Variants in LRRC28 observed in about 807,000 individuals in gnomAD.
The protein encoded by LRRC28 is leucine-rich repeat-containing protein 28.
A neutral mutation model predicts 45.7 loss-of-function variants in LRRC28; 39 were observed. The ratio of observed to expected loss-of-function variants is 0.85; its 90% CI spans 0.66 to 1.12. The LOEUF (loss-of-function observed/expected upper bound fraction) is 1.12, where lower values mean the gene tolerates loss of function less well. Ranked by LOEUF, LRRC28 falls within the 50% of genes most tolerant of loss-of-function variation. The pLI, the probability that LRRC28 is intolerant of heterozygous loss-of-function variation, is 0.00. For synonymous variants in LRRC28, 206 were observed against 178.8 expected, an observed-to-expected ratio of 1.15 and a Z score of -1.22; for missense variants, 435 against 438.5, an observed-to-expected ratio of 0.99 and a Z score of 0.07.
Position 99,348,748 on chromosome 15 carries a change from TTTTTTTTTTG to T in LRRC28, c.593-3612_593-3603del, listed in dbSNP as rs1280330729. On this transcript the variant is annotated intron_variant, in intron 6 of 9. Transcript: ENST00000301981. Reference sequence around the variant, plus strand: ...TTGGCTATTTGGGTTTTTTTTGTTGTTTTTTTTTTGTTTTTTTTGTAGCTCCATATGAATT... The same window carrying T: ...TTGGCTATTTGGGTTTTTTTTGTTGTTTTTTTTTGTAGCTCCATATGAATT... Among the ~76,000 whole-genome samples the T allele has an allele frequency of 3.7e-5, 4 of 108,240 alleles. No homozygotes were observed. The East Asian group carries it at 1.4e-3, about 38-fold the overall frequency. The allele number at this position is 108,240 out of a possible 152,430, so 71.0% of individuals were successfully genotyped here. A position where few individuals can be genotyped will look rare whatever the true frequency, so the allele number is the denominator to read the frequency against.
intron 2 of LRRC28, among the ~76,000 whole-genome samples, chr15:99,269,595 GT>G (rs1467688763): frequency 1.3e-5 from 2 of 152,238 alleles, no homozygotes; most frequent in East Asian, 3.9e-4. Context: ...GTAGAGACGG[GT>G]TTCACCATGT....
intron 2 of LRRC28, 83 bp downstream of exon 2, chr15:99,256,208 A>G: frequency 1.8e-6 from 2 of 1,092,792 alleles, no homozygotes; most frequent in Non-Finnish European, 2.6e-6. Context: ...TAAGGTATTC[A>G]GACCAAGACT....
intron 5 of LRRC28, among the ~76,000 whole-genome samples, chr15:99,303,912 C>A (rs1046699617): frequency 6.6e-6 from 1 of 151,942 alleles, no homozygotes; most frequent in Non-Finnish European, 1.5e-5. Context: ...CATTGTCCCC[C>A]CCACTGGATG....
At position 99,298,205 on chromosome 15, in the gene LRRC28, T is replaced by C. The variant is rs1052417500; in HGVS notation, c.385+10254T>C. Among the ~76,000 whole-genome samples the C allele has an allele frequency of 7.2e-5, 11 of 152,320 alleles. No homozygotes were observed. In the South Asian group the frequency reaches 2.1e-3, roughly 29 times the overall value. On this transcript the variant is annotated intron_variant, in intron 5 of 9. Transcript: ENST00000301981. The stretch of plus-strand genomic sequence containing the variant: ...AACACTATAACCCAAGTGATCCAAA[T>C]TCACTTCACATGCAGTACTTCTTAT...
At position 99,338,187 on chromosome 15, in the gene LRRC28, T is replaced by C. The variant is rs547140620; in HGVS notation, c.592+4058T>C. Reference sequence around the variant, plus strand: ...GCCACAGTCTCCTCAGTCTTGTCTTTCTGTTTCTGGGGGTATTTTTTGCCA... The same window carrying C: ...GCCACAGTCTCCTCAGTCTTGTCTTCCTGTTTCTGGGGGTATTTTTTGCCA... On this transcript the variant is annotated intron_variant, in intron 6 of 9. Coordinates refer to ENST00000301981, the MANE Select transcript of LRRC28 (RefSeq NM_144598.5). 4 of 152,358 alleles carry C rather than the reference T, an allele frequency of 2.6e-5. No homozygotes were observed. In the East Asian group the frequency reaches 5.8e-4, roughly 22 times the overall value. The allele number at this position is 152,358 out of a possible 1,614,324, so 9.4% of individuals were successfully genotyped here. A position where few individuals can be genotyped will look rare whatever the true frequency, so the allele number is the denominator to read the frequency against.
At chr15:99,277,386 A>C (rs1190579596) in intron 3 of LRRC28, among the ~76,000 whole-genome samples, 2 of 152,040 alleles carry the variant, frequency 1.3e-5, no homozygotes, top group Admixed American at 1.3e-4. Context: ...CCTTCACCTA[A>C]ATTTAACCAA....
chr15:99,379,545 T>A (rs1957752873), intron 9 of LRRC28, among the ~76,000 whole-genome samples: 1 of 152,234 alleles, frequency 6.6e-6, no homozygotes, highest in African/African-American at 2.4e-5. Context: ...TCTCCTTCAG[T>A]TCTGCTCTGA....
chr15:99,388,129 A>G lies in LRRC28; in HGVS notation c.*2027A>G, dbSNP rs1435683192. On this transcript the variant is annotated 3_prime_UTR_variant, in exon 10 of 10. Coordinates refer to ENST00000301981, the MANE Select transcript of LRRC28 (RefSeq NM_144598.5). ...TCCTTTGGAATAATTGAAGTTTAAC[A>G]TAACCTCTACATGTATATAAGTTAG... 6.6e-6 allele frequency: 1 copy of G among 152,266 alleles called. No homozygotes were observed. The highest frequency in any genetic ancestry group is 1.5e-5 in the Non-Finnish European group (1 of 68,048). The allele number at this position is 152,266 out of a possible 1,614,324, so 9.4% of individuals were successfully genotyped here.
In LRRC28 at chr15:99,352,514, A is replaced by G. The variant is rs1410859212; in HGVS notation, c.695+43A>G. ...TTTTGAACTAAAAAATAGATTAACT[A>G]CTTTTGGTACTTCTGTTCAATTTTG... is the stretch of plus-strand genomic sequence containing the variant. On this transcript the variant is annotated intron_variant, in intron 7 of 9. Coordinates refer to ENST00000301981, the MANE Select transcript of LRRC28 (RefSeq NM_144598.5). 6 of 1,461,832 alleles carry G rather than the reference A, an allele frequency of 4.1e-6. No homozygotes were observed. In the Admixed American group the frequency reaches 5.2e-5, roughly 13 times the overall value. The allele number at this position is 1,461,832 out of a possible 1,614,324, so 90.6% of individuals were successfully genotyped here.
chr15:99,268,851 T>C (rs1229652377), intron 2 of LRRC28, among the ~76,000 whole-genome samples: 1 of 152,248 alleles, frequency 6.6e-6, no homozygotes, highest in Non-Finnish European at 1.5e-5. Flanking sequence ...AATAGGTTTT[T>C]TTAAAAATAA....
At chr15:99,299,228 A>G (rs1204896676) in intron 5 of LRRC28, among the ~76,000 whole-genome samples, 2 of 152,184 alleles carry the variant, frequency 1.3e-5, no homozygotes, top group Non-Finnish European at 2.9e-5. Context: ...CAAAGATAGC[A>G]TTTTCATCTG....
chr15:99,366,932 A>G (rs1371106329), intron 9 of LRRC28, among the ~76,000 whole-genome samples: 1 of 152,174 alleles, frequency 6.6e-6, no homozygotes, highest in Admixed American at 6.5e-5. Flanking sequence ...AATACTGAAT[A>G]TAACACTGAA....
intron 2 of LRRC28, among the ~76,000 whole-genome samples, chr15:99,263,783 A>G (rs907952252): frequency 6.6e-6 from 1 of 152,224 alleles, no homozygotes; most frequent in Non-Finnish European, 1.5e-5. Flanking sequence ...TCATTCAATC[A>G]GTGTGTATTT....
intron 6 of LRRC28, 42 bp from the exon 7 acceptor site, chr15:99,352,327 T>C (rs1311585235): frequency 8.0e-7 from 1 of 1,246,820 alleles, no homozygotes. Context: ...ATTATAATGG[T>C]GCCTGTATAT....
At chr15:99,252,683 A>C (rs980085434) in intron 1 of LRRC28, among the ~76,000 whole-genome samples, 1 of 152,230 alleles carries the variant, frequency 6.6e-6, no homozygotes, top group African/African-American at 2.4e-5. Flanking sequence ...TATAGGCTCT[A>C]TCCGTGGTCT....
chr15:99,298,019 A>G (rs2082309704), intron 5 of LRRC28, among the ~76,000 whole-genome samples: 1 of 152,128 alleles, frequency 6.6e-6, no homozygotes, highest in Admixed American at 6.5e-5. Context: ...CCAGATATCT[A>G]AAAAACAAAA....
chr15:99,301,456 T>C (rs1257751735), intron 5 of LRRC28, among the ~76,000 whole-genome samples: 1 of 152,210 alleles, frequency 6.6e-6, no homozygotes, highest in East Asian at 1.9e-4. Flanking sequence ...TTGAACTTTA[T>C]AGATAAAACT....
chr15:99,290,870 G>T (rs1407005210), intron 5 of LRRC28, among the ~76,000 whole-genome samples: 4 of 152,078 alleles, frequency 2.6e-5, no homozygotes, highest in Non-Finnish European at 4.4e-5. Flanking sequence ...GGGAGGCTGG[G>T]GCGGGAGAAT....
intron 5 of LRRC28, among the ~76,000 whole-genome samples, chr15:99,318,087 A>G (rs1440575547): frequency 2.0e-5 from 3 of 152,196 alleles, no homozygotes; most frequent in Admixed American, 1.3e-4. Flanking sequence ...CATTAGAAGC[A>G]TCATACAATT....
Sources: allele counts gnomAD v4.1 joint callset (sites outside exome capture counted in the v4.1 genomes callset), GRCh38; gene constraint gnomAD v4.1.1; transcripts MANE v1.5; gene names NCBI Gene and HGNC (gene_info 2026-07-23, HGNC 2026-07-21).